MICU3: variants seen among roughly 807,000 people sequenced by gnomAD.
The protein encoded by MICU3 is calcium uptake protein 3, mitochondrial.
Under a neutral mutation model 66.5 loss-of-function variants are expected in MICU3, and 62 were observed. The ratio of observed to expected loss-of-function variants is 0.93; its 90% CI spans 0.76 to 1.15. The LOEUF is 1.15. Among genes scored for constraint, MICU3 ranks in the 50% most tolerant of loss-of-function variants. The pLI, the probability that MICU3 is intolerant of heterozygous loss-of-function variation, is 0.00. For synonymous variants in MICU3, 308 were observed against 240.7 expected (o/e 1.28, Z -2.59); for missense variants, 779 against 664.4 (o/e 1.17, Z -1.90).
At chr8:17,138,265 G>A in the MICU3 span, among the ~76,000 whole-genome samples, 67 of 152,174 alleles carry the variant, frequency 4.4e-4, no homozygotes, top group African/African-American at 1.6e-3. Context: ...TGTAACTCCA[G>A]CAGAATGTAA....
Position 17,064,208 on chromosome 8 carries a change from T to G in MICU3, c.506T>G (p.Ile169Ser). The change falls in exon 2 of 15, where the codon ATT (isoleucine) becomes AGT (serine). Residue 169 changes from isoleucine (I) to serine (S), a missense_variant. Physicochemically the swap from Ile to Ser is moderately radical, Grantham distance 142. Coordinates refer to ENST00000318063, the MANE Select transcript of MICU3 (RefSeq NM_181723.3). ...GQLFMTPYDF[I>S]LAVTTDEPKV... is the part of the protein sequence containing the mutation. ...TTATTCATGACTCCGTATGATTTTA[T>G]TTTGGCTGTTACAACAGATGAGCCC... 2 of 1,612,358 alleles carry G rather than the reference T, an allele frequency of 1.2e-6. No individual in the cohort carries two copies. Among genetic ancestry groups the G allele is most frequent in the Non-Finnish European group, 1.7e-6 (2 of 1,178,924 alleles).
intron 9 of MICU3, among the ~76,000 whole-genome samples, chr8:17,099,403 C>T (rs569523205): frequency 2.0e-5 from 3 of 151,802 alleles, no homozygotes; most frequent in East Asian, 3.9e-4. Flanking sequence ...CTGAAAATAT[C>T]TGGAGAAGTA....
At chr8:17,107,163 C>G (rs1563388479) in intron 11 of MICU3, among the ~76,000 whole-genome samples, 1 of 151,824 alleles carries the variant, frequency 6.6e-6, no homozygotes, top group Non-Finnish European at 1.5e-5. Flanking sequence ...GAGAGACAAA[C>G]AAGTAAAAAA....
intron 8 of MICU3, among the ~76,000 whole-genome samples, chr8:17,095,783 C>G (rs1405379134): frequency 6.6e-6 from 1 of 151,088 alleles, no homozygotes; most frequent in African/African-American, 2.4e-5. Context: ...CCTTTTTTGT[C>G]TCCTTCCTTT....
At chr8:17,093,985 C>G (rs1166690474) in intron 8 of MICU3, among the ~76,000 whole-genome samples, 1 of 151,984 alleles carries the variant, frequency 6.6e-6, no homozygotes, top group Admixed American at 6.6e-5. Flanking sequence ...CACGAATCCC[C>G]TTCATGTGTG....
downstream of MICU3, among the ~76,000 whole-genome samples, chr8:17,127,325 G>A (rs1803430610): frequency 6.6e-6 from 1 of 152,156 alleles, no homozygotes; most frequent in South Asian, 2.1e-4. Context: ...AAGATTAGCT[G>A]TCACAAAGAA....
At chr8:17,034,077 T>G (rs138201845) in intron 1 of MICU3, among the ~76,000 whole-genome samples, 107 of 152,318 alleles carry the variant, frequency 7.0e-4, no homozygotes, top group African/African-American at 2.5e-3. Context: ...TGTTAGGGGC[T>G]AATGCAGCTG....
At chr8:17,136,331 A>G in the MICU3 span, among the ~76,000 whole-genome samples, 3 of 152,108 alleles carry the variant, frequency 2.0e-5, no homozygotes, top group African/African-American at 7.2e-5. Flanking sequence ...TTTTATTGTA[A>G]AGCGATGTTG....
chr8:17,055,069 G>A (rs1319469578), intron 1 of MICU3, among the ~76,000 whole-genome samples: 2 of 152,090 alleles, frequency 1.3e-5, no homozygotes, highest in African/African-American at 4.8e-5. Flanking sequence ...GCAGTGTTTT[G>A]AGAAAAGGTC....
rs1210804037 is a variant in MICU3 at position 17,114,219 on chromosome 8, A to C, written c.1366+18A>C. On this transcript the variant is annotated intron_variant, in intron 12 of 14. Coordinates refer to ENST00000318063, the MANE Select transcript of MICU3 (RefSeq NM_181723.3). ...AGGGCAAGGTAAGTAATCATCTACA[A>C]AAATTAAAAGCAAGAAGTAATACTA... The C allele has an allele frequency of 6.7e-7, 1 of 1,489,736 alleles. No homozygotes were observed. Among genetic ancestry groups the C allele is most frequent in the East Asian group, 2.3e-5 (1 of 44,132 alleles). The allele number at this position is 1,489,736 out of a possible 1,614,324, so 92.3% of individuals were successfully genotyped here. A position where few individuals can be genotyped will look rare whatever the true frequency, so the allele number is the denominator to read the frequency against.
At chr8:17,074,056 T>G (rs980713002) in intron 3 of MICU3, among the ~76,000 whole-genome samples, 11 of 146,666 alleles carry the variant, frequency 7.5e-5, no homozygotes, top group Admixed American at 6.1e-4. Context: ...TTCTTTTTGG[T>G]TTTTTTTTTT....
intron 1 of MICU3, among the ~76,000 whole-genome samples, chr8:17,048,751 G>A (rs1426538046): frequency 6.6e-6 from 1 of 152,044 alleles, no homozygotes; most frequent in Non-Finnish European, 1.5e-5. Flanking sequence ...GAGTAGTTGG[G>A]ACTACCTCAT....
At chr8:17,098,369 T>C in intron 8 of MICU3, 89 bp from the exon 9 acceptor site, 1 of 903,924 alleles carries the variant, frequency 1.1e-6, no homozygotes, top group Non-Finnish European at 1.8e-6. Context: ...GTGTTTCCTT[T>C]TCAAGGTTGG....
intron 1 of MICU3, among the ~76,000 whole-genome samples, chr8:17,034,239 T>A (rs2150492128): frequency 6.6e-6 from 1 of 152,334 alleles, no homozygotes; most frequent in South Asian, 2.1e-4. Flanking sequence ...TTACTGATTG[T>A]TTTAAGCTCA....
intron 4 of MICU3, among the ~76,000 whole-genome samples, chr8:17,079,343 G>T (rs140262634): frequency 6.6e-6 from 1 of 152,048 alleles, no homozygotes; most frequent in Non-Finnish European, 1.5e-5. Context: ...GCTACACCCT[G>T]TAGTACAATG....
chr8:17,072,979 C>T (rs1163857353), intron 3 of MICU3, among the ~76,000 whole-genome samples: 3 of 151,956 alleles, frequency 2.0e-5, no homozygotes, highest in East Asian at 1.9e-4. Flanking sequence ...CATCTTCTGC[C>T]TCCTGGGCTC....
At chr8:17,101,385 GCTGAGCAGTA>G (rs1201937798) in intron 9 of MICU3, among the ~76,000 whole-genome samples, 3 of 151,798 alleles carry the variant, frequency 2.0e-5, no homozygotes, top group Non-Finnish European at 4.4e-5. Context: ...GTTTTCAGTG[GCTGAGCAGTA>G]CTCTGTTTCA....
the MICU3 span, among the ~76,000 whole-genome samples, chr8:17,136,600 C>A: frequency 6.6e-6 from 1 of 152,224 alleles, no homozygotes; most frequent in Admixed American, 6.6e-5. Flanking sequence ...TCCTAGGATT[C>A]TTGGCTACCC....
At chr8:17,063,109 G>T (rs932380255) in intron 1 of MICU3, among the ~76,000 whole-genome samples, 2 of 152,106 alleles carry the variant, frequency 1.3e-5, no homozygotes, top group African/African-American at 4.8e-5. Context: ...CGAAGTTTTA[G>T]TAAGTAAAAA....
Sources: gnomAD v4.1 joint callset for allele counts (sites outside exome capture counted in the v4.1 genomes callset) on GRCh38, gnomAD v4.1.1 for gene constraint, MANE v1.5 for transcripts, NCBI Gene and HGNC (gene_info 2026-07-23, HGNC 2026-07-21) for gene names.